Variants in ZC3HC1 observed in about 807,000 individuals in gnomAD.
The protein encoded by ZC3HC1 is zinc finger C3HC-type containing 1, also known as zinc finger C3HC-type protein 1.
A neutral mutation model predicts 61.9 loss-of-function variants in ZC3HC1; 38 were observed. The observed-to-expected ratio is 0.61, with a 90% CI of 0.47 to 0.81. The LOEUF is 0.81. Ranked by LOEUF, ZC3HC1 falls within the 30% of genes least tolerant of loss-of-function variation. The pLI, the probability that ZC3HC1 is intolerant of heterozygous loss-of-function variation, is 0.00. For synonymous variants in ZC3HC1, 213 were observed against 229.9 expected (o/e 0.93, Z 0.67); for missense variants, 554 against 622.7 (o/e 0.89, Z 1.17).
chr7:130,022,450 C>T lies in ZC3HC1; in HGVS notation c.1309G>A (p.Gly437Ser). ...CCACCATTCTCCCTGCTTTCTTTGC[C>T]AAGTGTGATATTCACCCAAGGGCAC... is the stretch of plus-strand genomic sequence containing the variant. ...DWCPWVNITL[G>S]KESRENGGTE... is the part of the protein sequence containing the mutation. Residue 437 changes from glycine to serine, a missense_variant, in exon 9 of 10, where the codon GGC (glycine) becomes AGC (serine). Gly to Ser is a moderately conservative substitution (Grantham distance 56, BLOSUM62 0). Coordinates refer to ENST00000358303, the MANE Select transcript of ZC3HC1 (RefSeq NM_016478.5). 6.2e-7 allele frequency: 1 copy of T among 1,611,500 alleles called. No homozygotes were observed. The highest frequency in any genetic ancestry group is 1.1e-5 in the South Asian group (1 of 90,610).
chr7:130,047,618 C>A (rs1295237930), intron 2 of ZC3HC1, among the ~76,000 whole-genome samples: 3 of 145,640 alleles, frequency 2.1e-5, no homozygotes, highest in Admixed American at 7.0e-5. Context: ...CCTGCCTGGG[C>A]AACATAGCAA....
intron 2 of ZC3HC1, chr7:130,043,824 G>T: frequency 2.2e-6 from 1 of 455,562 alleles, no homozygotes; most frequent in Admixed American, 2.4e-5. Flanking sequence ...ATGCAAGAAA[G>T]GATGGCAGCA....
chr7:130,041,216 C>T, intron 2 of ZC3HC1, 115 bp from the exon 3 acceptor site: 1 of 1,189,790 alleles, frequency 8.4e-7, no homozygotes, highest in Non-Finnish European at 1.1e-6. Context: ...GAGAAAAGTT[C>T]TCACTCTGTC....
chr7:130,034,705 G>C (rs898387143), intron 4 of ZC3HC1, among the ~76,000 whole-genome samples: 3 of 151,958 alleles, frequency 2.0e-5, no homozygotes, highest in Non-Finnish European at 4.4e-5. Flanking sequence ...TGCCCAGCCT[G>C]GTCCCAAACT....
intron 9 of ZC3HC1, among the ~76,000 whole-genome samples, chr7:130,019,054 C>CT (rs397746688): frequency 0.23 from 29,956 of 132,938 alleles, 3,686 homozygotes; most frequent in Non-Finnish European, 0.25. Context: ...ACTGGTTTTT[C>CT]TTTTTTTTTT....
At chr7:130,044,310 G>A (rs1794789238) in intron 2 of ZC3HC1, among the ~76,000 whole-genome samples, 1 of 152,236 alleles carries the variant, frequency 6.6e-6, no homozygotes, top group Non-Finnish European at 1.5e-5. Flanking sequence ...GTGCCACCAT[G>A]CCCAGTTCAG....
intron 2 of ZC3HC1, among the ~76,000 whole-genome samples, chr7:130,045,678 G>A (rs553478805): frequency 9.9e-4 from 150 of 152,094 alleles, no homozygotes; most frequent in Non-Finnish European, 4.1e-4. Context: ...GAGGTGGGTG[G>A]ATCACCTGAT....
chr7:130,021,311 G>C (rs1793634412), intron 9 of ZC3HC1, among the ~76,000 whole-genome samples: 1 of 152,162 alleles, frequency 6.6e-6, no homozygotes, highest in South Asian at 2.1e-4. Context: ...CTGCTGACAA[G>C]TATTATTTTA....
chr7:130,024,135 T>C (rs974561725), intron 7 of ZC3HC1, 128 bp downstream of exon 7: 16 of 1,308,330 alleles, frequency 1.2e-5, no homozygotes, highest in Non-Finnish European at 1.7e-5. Flanking sequence ...AGAAACACTA[T>C]GTGGTATCGT....
chr7:130,050,440 T>C (rs1795032353), intron 1 of ZC3HC1: 1 of 1,531,996 alleles, frequency 6.5e-7, no homozygotes, highest in Admixed American at 2.0e-5. Flanking sequence ...GAAATAAACT[T>C]ACTCTAAGAC....
At chr7:130,040,884 C>T in intron 3 of ZC3HC1, 67 bp downstream of exon 3, 1 of 1,440,322 alleles carries the variant, frequency 6.9e-7, no homozygotes, top group South Asian at 1.6e-5. Context: ...CTTTTTTCCC[C>T]CCCCAGAAAA....
chr7:130,050,438 C>T (rs1275192409), intron 1 of ZC3HC1: 6 of 1,531,858 alleles, frequency 3.9e-6, no homozygotes, highest in Non-Finnish European at 4.4e-6. Context: ...AAGAAATAAA[C>T]TTACTCTAAG....
Position 130,051,290 on chromosome 7 carries a change from T to C in ZC3HC1, c.77A>G (p.Glu26Gly), listed in dbSNP as rs1307575474. 1 of 1,613,060 alleles carries C rather than the reference T, an allele frequency of 6.2e-7. No individual in the cohort carries two copies. Among genetic ancestry groups the C allele is most frequent in the Non-Finnish European group, 8.5e-7 (1 of 1,179,580 alleles). The change falls in exon 1 of 10, where the codon GAA (glutamate) becomes GGA (glycine). Residue 26 changes from glutamate (E) to glycine (G), a missense_variant. Physicochemically the swap from Glu to Gly is moderately conservative, Grantham distance 98. Coordinates refer to ENST00000358303, the MANE Select transcript of ZC3HC1 (RefSeq NM_016478.5). Reference protein sequence around the residue: ...KNWGAVVRSPEGTPQKIRQLI... With the variant: ...KNWGAVVRSPGGTPQKIRQLI... ...CTGCCGGATTTTCTGGGGGGTCCCT[T>C]CTGGGGAGCGAACTACTGCACCCCA...
chr7:130,018,399 T>G lies in ZC3HC1; in HGVS notation c.*265A>C. 2.6e-6 allele frequency: 1 copy of G among 389,578 alleles called. No individual in the cohort carries two copies. The highest frequency in any genetic ancestry group is 4.6e-6 in the Non-Finnish European group (1 of 215,244). 24.1% of individuals were successfully genotyped at this position (389,578 alleles called of 1,614,324 possible). On this transcript the variant is annotated 3_prime_UTR_variant, in exon 10 of 10. Transcript: ENST00000358303. ...CTGAAATGGGTGGTCAGGTCCTTAGTCTTCCTTCTAGTCTGTTAATCCCAC... is the reference window on the plus strand; with the variant it reads ...CTGAAATGGGTGGTCAGGTCCTTAGGCTTCCTTCTAGTCTGTTAATCCCAC...
In ZC3HC1 at chr7:130,023,813, T is replaced by G; in HGVS notation, c.1021-90A>C. 8.2e-7 allele frequency: 1 copy of G among 1,216,824 alleles called. No individual in the cohort carries two copies. Among genetic ancestry groups the G allele is most frequent in the Non-Finnish European group, 1.1e-6 (1 of 888,104 alleles). 75.4% of individuals were successfully genotyped at this position (1,216,824 alleles called of 1,614,324 possible). ...CTTTCTTTAATCTTTTTTCTTTTTT[T>G]TTTTGAGACAGAGTCTCGCTTTGTT... On this transcript the variant is annotated intron_variant, in intron 7 of 9. Transcript: ENST00000358303. The surrounding 1 kb of genome is among the most constrained non-coding windows in gnomAD (Gnocchi z 4.2).
chr7:130,041,156 G>GTA (rs571591963), intron 2 of ZC3HC1, 55 bp from the exon 3 acceptor site: 15 of 1,194,990 alleles, frequency 1.3e-5, no homozygotes, highest in Non-Finnish European at 1.6e-5. Flanking sequence ...GTGTGTGTAT[G>GTA]TGTGTGTGTG....
Position 130,049,162 on chromosome 7 carries a change from A to G in ZC3HC1, c.147-18T>C. The G allele has an allele frequency of 4.5e-6, 7 of 1,572,542 alleles. No homozygotes were observed. Among genetic ancestry groups the G allele is most frequent in the Non-Finnish European group, 6.0e-6 (7 of 1,158,524 alleles). ...TGTCCTTCCTAATATAAAGTGGCAA[A>G]ACTGTTGGTAAACCTTTCACAGTAC... On this transcript the variant is annotated intron_variant, in intron 1 of 9. Coordinates refer to ENST00000358303, the MANE Select transcript of ZC3HC1 (RefSeq NM_016478.5).
rs187998641 is a variant in ZC3HC1, at chr7:130,033,813, A to G, written c.494-4784T>C. Among the ~76,000 whole-genome samples, 4 of 152,296 alleles carry G rather than the reference A, an allele frequency of 2.6e-5. No individual in the cohort carries two copies. The East Asian group carries it at 5.8e-4, about 22-fold the overall frequency. ...GCAACAACAGGATATTCTGGATCCA[A>G]GTTGATTTATTGTCCTTGCCCCAAG... On this transcript the variant is annotated intron_variant, in intron 4 of 9. Coordinates refer to ENST00000358303, the MANE Select transcript of ZC3HC1 (RefSeq NM_016478.5).
intron 2 of ZC3HC1, among the ~76,000 whole-genome samples, chr7:130,041,875 T>C (rs1435822517): frequency 2.0e-5 from 3 of 152,024 alleles, no homozygotes; most frequent in Non-Finnish European, 4.4e-5. Flanking sequence ...AGAAAGGCAA[T>C]GAGAAAAGTG....
Sources: gnomAD v4.1 joint callset for allele counts (sites outside exome capture counted in the v4.1 genomes callset) on GRCh38, gnomAD v4.1.1 for gene constraint, Gnocchi (gnomAD v3.1) non-coding constraint, MANE v1.5 for transcripts, NCBI Gene and HGNC (gene_info 2026-07-23, HGNC 2026-07-21) for gene names.